TRAK1: variants seen among roughly 807,000 people sequenced by gnomAD.
TRAK1 encodes trafficking kinesin-binding protein 1.
Under a neutral mutation model 92.1 loss-of-function variants are expected in TRAK1, and 33 were observed. The ratio of observed to expected loss-of-function variants is 0.36; its 90% CI spans 0.27 to 0.48. The LOEUF is 0.48. Among genes scored for constraint, TRAK1 ranks in the 20% least tolerant of loss-of-function variants. The pLI is 0.99. For missense variants in TRAK1, 1,123 were observed against 1,257.9 expected (o/e 0.89, Z 1.62); for synonymous variants, 521 against 517.3 (o/e 1.01, Z -0.10).
chr3:42,092,678 A>ATTTTG (rs761602413), intron 1 of TRAK1, among the ~76,000 whole-genome samples: 37,585 of 99,192 alleles, frequency 0.38, 6,094 homozygotes, highest in South Asian at 0.51. Flanking sequence ...TGTTCCTTTT[A>ATTTTG]TTTTGTTGTG....
chr3:42,206,326 A>G (rs547255206), intron 13 of TRAK1, among the ~76,000 whole-genome samples: 1 of 152,338 alleles, frequency 6.6e-6, no homozygotes, highest in East Asian at 1.9e-4. Context: ...ATAGCATGAC[A>G]TAACTGAAAT....
chr3:42,059,948 A>G (rs774832131), intron 1 of TRAK1, among the ~76,000 whole-genome samples: 26 of 151,878 alleles, frequency 1.7e-4, no homozygotes, highest in African/African-American at 6.3e-4. Context: ...CATGGAGGAC[A>G]GTGTTACAGG....
intron 1 of TRAK1, among the ~76,000 whole-genome samples, chr3:42,040,763 C>A (rs904895876): frequency 6.6e-6 from 1 of 151,824 alleles, no homozygotes; most frequent in Non-Finnish European, 1.5e-5. Flanking sequence ...ACTGCAACCT[C>A]CACCTCCCAG....
intron 1 of TRAK1, among the ~76,000 whole-genome samples, chr3:42,103,541 T>A (rs1036073468): frequency 2.0e-5 from 3 of 152,176 alleles, no homozygotes; most frequent in African/African-American, 7.2e-5. Flanking sequence ...GGCTTGCCCC[T>A]AACCTTGGAG....
intron 2 of TRAK1, among the ~76,000 whole-genome samples, chr3:42,156,065 C>A (rs556470135): frequency 6.6e-6 from 1 of 152,338 alleles, no homozygotes; most frequent in South Asian, 2.1e-4. Flanking sequence ...TTTGATACGG[C>A]ACACACATCT....
intron 2 of TRAK1, among the ~76,000 whole-genome samples, chr3:42,161,796 G>A (rs1701305902): frequency 6.6e-6 from 1 of 152,182 alleles, no homozygotes; most frequent in South Asian, 2.1e-4. Flanking sequence ...TCTGGCTGGT[G>A]CCTTTCTGGC....
At chr3:42,167,854 T>C (rs1466605455) in intron 2 of TRAK1, among the ~76,000 whole-genome samples, 4 of 152,188 alleles carry the variant, frequency 2.6e-5, no homozygotes, top group African/African-American at 9.7e-5. Context: ...CACTCCAGCC[T>C]GGGCGTCACA....
At chr3:42,016,865 A>T (rs901465028) in intron 1 of TRAK1, among the ~76,000 whole-genome samples, 2 of 152,218 alleles carry the variant, frequency 1.3e-5, no homozygotes, top group Admixed American at 6.5e-5. Context: ...CCTTTTGTGC[A>T]TGCCAGAGCT....
chr3:42,026,216 T>A (rs1034223672), intron 1 of TRAK1, among the ~76,000 whole-genome samples: 4 of 152,192 alleles, frequency 2.6e-5, no homozygotes, highest in African/African-American at 9.7e-5. Context: ...GTTTGTCTAT[T>A]TTAGATTAAA....
At position 42,183,553 on chromosome 3, in the gene TRAK1, TAAAAA is replaced by T. The variant is rs11293523; in HGVS notation, c.364-1118_364-1114del. On this transcript the variant is annotated intron_variant, in intron 3 of 15. Coordinates refer to ENST00000327628, the MANE Select transcript of TRAK1 (RefSeq NM_001042646.3). ...CTGGGTGACAGAGTGAGACTCTGTCTAAAAAAAAAAAAAAAAAAGAAAGAAAGAAT... is the reference window on the plus strand; with the variant it reads ...CTGGGTGACAGAGTGAGACTCTGTCTAAAAAAAAAAAAAGAAAGAAAGAAT... 1.6e-4 allele frequency among the ~76,000 whole-genome samples: 19 copies of T among 117,324 alleles called. No homozygotes were observed. The East Asian group carries it at 3.9e-3, about 24-fold the overall frequency. 77.0% of individuals were successfully genotyped at this position (117,324 alleles called of 152,430 possible). A position where few individuals can be genotyped will look rare whatever the true frequency, so the allele number is the denominator to read the frequency against.
intron 3 of TRAK1, among the ~76,000 whole-genome samples, chr3:42,183,201 G>T (rs367700958): frequency 1.3e-5 from 2 of 152,166 alleles, no homozygotes; most frequent in East Asian, 3.9e-4. Context: ...ACAAAATGTC[G>T]GTTGCTGTTA....
intron 2 of TRAK1, among the ~76,000 whole-genome samples, chr3:42,139,479 T>C (rs1472036293): frequency 6.6e-6 from 1 of 152,116 alleles, no homozygotes; most frequent in African/African-American, 2.4e-5. Flanking sequence ...GTGCCCGTCT[T>C]GGGGAAGTAA....
intron 1 of TRAK1, among the ~76,000 whole-genome samples, chr3:42,123,949 C>T (rs1710241261): frequency 6.6e-6 from 1 of 152,076 alleles, no homozygotes; most frequent in African/African-American, 2.4e-5. Flanking sequence ...TCGAGACCCA[C>T]CTGGGCAACA....
chr3:42,209,242 A>T (rs1708679167), intron 13 of TRAK1, among the ~76,000 whole-genome samples: 1 of 152,216 alleles, frequency 6.6e-6, no homozygotes, highest in Non-Finnish European at 1.5e-5. Context: ...ATCTCTGTGT[A>T]CTGCTTTCAT....
At chr3:42,192,520 G>C (rs762539447) in intron 7 of TRAK1, among the ~76,000 whole-genome samples, 3 of 151,856 alleles carry the variant, frequency 2.0e-5, no homozygotes, top group Non-Finnish European at 2.9e-5. Flanking sequence ...TTTCGTCAAA[G>C]TACTAAGTAT....
rs1306655907 is a variant in TRAK1 at position 42,135,843 on chromosome 3, A to G, written c.286+10229A>G. ...TTTGCTTTGGCTGTTGCCTCTCTGC[A>G]GGTGATGGCTACGTTTCTCTCTACT... On this transcript the variant is annotated intron_variant, in intron 2 of 15. Transcript: ENST00000327628. Among the ~76,000 whole-genome samples, 3 of 152,320 alleles carry G rather than the reference A, an allele frequency of 2.0e-5. No individual in the cohort carries two copies. In the East Asian group the frequency reaches 5.8e-4, roughly 29 times the overall value.
At chr3:42,144,846 G>C (rs1699137585) in intron 2 of TRAK1, among the ~76,000 whole-genome samples, 1 of 152,200 alleles carries the variant, frequency 6.6e-6, no homozygotes, top group South Asian at 2.1e-4. Context: ...TTCAGTAAAA[G>C]ACAAAGGTTT....
At chr3:42,079,331 C>A (rs1704313089) in intron 1 of TRAK1, among the ~76,000 whole-genome samples, 1 of 152,118 alleles carries the variant, frequency 6.6e-6, no homozygotes, top group Admixed American at 6.5e-5. Flanking sequence ...AAAGAGGAAA[C>A]CTTGAAAGCT....
intron 13 of TRAK1, among the ~76,000 whole-genome samples, chr3:42,205,286 A>G (rs1437612758): frequency 6.6e-6 from 1 of 152,150 alleles, no homozygotes; most frequent in Non-Finnish European, 1.5e-5. Flanking sequence ...CTATTGGCCC[A>G]CTGAGAAGCT....
Sources: allele counts gnomAD v4.1 joint callset (sites outside exome capture counted in the v4.1 genomes callset), GRCh38; gene constraint gnomAD v4.1.1; transcripts MANE v1.5; gene names NCBI Gene and HGNC (gene_info 2026-07-23, HGNC 2026-07-21).